GLIS3: variants seen among roughly 807,000 people sequenced by gnomAD.
GLIS3 encodes the protein zinc finger protein GLIS3.
In GLIS3, 53 loss-of-function variants were observed where a neutral mutation model predicts 78.6. That is an observed-to-expected ratio of 0.67 (90% CI 0.54 to 0.85). The LOEUF (loss-of-function observed/expected upper bound fraction) is 0.85. GLIS3 is among the 40% of genes least tolerant of loss of function. The probability of loss-of-function intolerance (pLI) is 0.00; values close to 1 mark genes in which losing one functional copy is unlikely to be tolerated. For synonymous variants in GLIS3, 684 were observed against 509.9 expected (o/e 1.34, Z -4.60); for missense variants, 1,703 against 1,231.1 (o/e 1.38, Z -5.74).
rs1162786771 is a variant in GLIS3 at position 3,828,305 on chromosome 9, A to G, written c.2760T>C (p.Pro920=). The change falls in exon 11 of 11, where the codon CCT becomes CCC. Residue 920 remains proline, a synonymous_variant. Transcript: ENST00000381971. The part of the protein sequence containing the change: ...FLQISTVDRC[P]SQLSSVYTEG The stretch of plus-strand genomic sequence containing the variant: ...CGGTGTAGACAGAGGAGAGCTGGCT[A>G]GGACAGCGGTCCACGGTGCTGATCT... 1.9e-6 allele frequency: 3 copies of G among 1,614,160 alleles called. No homozygotes were observed. The highest frequency in any genetic ancestry group is 1.7e-4 in the Middle Eastern group (1 of 6,046).
chr9:4,013,001 G>A (rs1822155132), intron 4 of GLIS3, among the ~76,000 whole-genome samples: 1 of 151,996 alleles, frequency 6.6e-6, no homozygotes, highest in Non-Finnish European at 1.5e-5. Flanking sequence ...TCAAACTCCT[G>A]ACCTCGTGTG....
chr9:4,355,131 C>CAA, the GLIS3 span, among the ~76,000 whole-genome samples: 7 of 84,190 alleles, frequency 8.3e-5, no homozygotes, highest in Admixed American at 1.3e-4. Context: ...GACTCCATCT[C>CAA]GAAAAAAAAA....
At chr9:4,142,938 C>G (rs1030246266) in intron 2 of GLIS3, among the ~76,000 whole-genome samples, 1 of 152,132 alleles carries the variant, frequency 6.6e-6, no homozygotes, top group African/African-American at 2.4e-5. Flanking sequence ...GGAAATAAAT[C>G]ACTTTGGCCA....
chr9:4,238,367 A>C (rs1464352726), intron 2 of GLIS3, among the ~76,000 whole-genome samples: 2 of 152,198 alleles, frequency 1.3e-5, no homozygotes, highest in African/African-American at 4.8e-5. Flanking sequence ...ATGACCGTGA[A>C]TATACTCCAT....
the GLIS3 span, among the ~76,000 whole-genome samples, chr9:4,385,782 A>G: frequency 1.3e-5 from 1 of 76,876 alleles, no homozygotes; most frequent in African/African-American, 6.5e-5. Flanking sequence ...AGAAAGAAAG[A>G]AAGAAAGAAA....
the GLIS3 span, among the ~76,000 whole-genome samples, chr9:4,391,258 A>G: frequency 6.6e-6 from 1 of 152,212 alleles, no homozygotes; most frequent in Non-Finnish European, 1.5e-5. Flanking sequence ...CCTCACCTCC[A>G]GAAGAGCCTG....
In GLIS3 at chr9:4,266,595, T is replaced by TAC. The variant is rs57746056; in HGVS notation, c.388+19441_388+19442dup. 5.0e-3 allele frequency among the ~76,000 whole-genome samples: 754 copies of TAC among 149,388 alleles called. 3 individuals carry two copies. Among genetic ancestry groups the TAC allele is most frequent in the Admixed American group, 0.024 (358 of 14,950 alleles). ...TACATTTTACACATGCATGCGCGTG[T>TAC]ACACACACACACACACACACACACA... On this transcript the variant is annotated intron_variant, in intron 2 of 10. Coordinates refer to ENST00000381971, the MANE Select transcript of GLIS3 (RefSeq NM_001042413.2).
At chr9:3,888,168 T>G (rs993329303) in intron 7 of GLIS3, among the ~76,000 whole-genome samples, 9 of 152,102 alleles carry the variant, frequency 5.9e-5, no homozygotes, top group Admixed American at 4.6e-4. Context: ...GGCCAATCAC[T>G]CCTGGAAGTT....
chr9:4,314,372 C>T (rs1448718460), intron 2 of GLIS3, among the ~76,000 whole-genome samples: 3 of 152,152 alleles, frequency 2.0e-5, no homozygotes, highest in Admixed American at 1.3e-4. Context: ...TCTGTTTCCT[C>T]AGTGTCCTTA....
At chr9:4,102,810 A>T (rs1830474159) in intron 4 of GLIS3, among the ~76,000 whole-genome samples, 1 of 152,162 alleles carries the variant, frequency 6.6e-6, no homozygotes, top group Non-Finnish European at 1.5e-5. Flanking sequence ...AGTGGATGGA[A>T]AACACACACA....
At chr9:4,191,098 A>T (rs962366548) in intron 2 of GLIS3, among the ~76,000 whole-genome samples, 2 of 151,620 alleles carry the variant, frequency 1.3e-5, no homozygotes, top group Admixed American at 6.6e-5. Flanking sequence ...TGTAAATACC[A>T]TCGAGACTAG....
chr9:3,885,417 G>C (rs1439415830), intron 7 of GLIS3, among the ~76,000 whole-genome samples: 3 of 152,184 alleles, frequency 2.0e-5, no homozygotes, highest in Non-Finnish European at 2.9e-5. Flanking sequence ...CCATGGTGCT[G>C]CTCCTCATGC....
At chr9:4,103,345 G>A (rs2208558) in intron 4 of GLIS3, among the ~76,000 whole-genome samples, 106,208 of 151,988 alleles carry the variant, frequency 0.7, 39,410 homozygotes, top group East Asian at 0.96. Context: ...CCAGCCAGTA[G>A]CCATTTCATA....
the GLIS3 span, among the ~76,000 whole-genome samples, chr9:4,357,542 G>C: frequency 2.7e-5 from 4 of 147,448 alleles, no homozygotes; most frequent in African/African-American, 1.0e-4. Flanking sequence ...TCAGCCTCCA[G>C]AATAATGTGA....
At chr9:4,281,374 C>G (rs990971204) in intron 2 of GLIS3, among the ~76,000 whole-genome samples, 1 of 134,218 alleles carries the variant, frequency 7.5e-6, no homozygotes, top group Non-Finnish European at 1.7e-5. Flanking sequence ...ATCACCATTA[C>G]CCATCTCCAA....
chr9:4,133,937 A>G (rs1833193444), intron 2 of GLIS3, among the ~76,000 whole-genome samples: 1 of 151,818 alleles, frequency 6.6e-6, no homozygotes, highest in African/African-American at 2.4e-5. Context: ...AGTTCCTCAT[A>G]TCCATTTTCT....
intron 6 of GLIS3, among the ~76,000 whole-genome samples, chr9:3,904,632 A>G (rs1823537383): frequency 6.6e-6 from 1 of 152,220 alleles, no homozygotes. Context: ...TGAATCCCAC[A>G]GAAAAGGGCT....
chr9:4,221,060 ATCTTTTT>A (rs977943663), intron 2 of GLIS3, among the ~76,000 whole-genome samples: 5 of 152,052 alleles, frequency 3.3e-5, no homozygotes, highest in African/African-American at 1.2e-4. Context: ...AATAGAGGAT[ATCTTTTT>A]TCTTTTTTCA....
chr9:4,377,670 T>C, the GLIS3 span, among the ~76,000 whole-genome samples: 1 of 152,176 alleles, frequency 6.6e-6, no homozygotes. Flanking sequence ...ATCTAGAATA[T>C]GGCTGGTTTT....
Sources: gnomAD v4.1 joint callset for allele counts (sites outside exome capture counted in the v4.1 genomes callset) on GRCh38, gnomAD v4.1.1 for gene constraint, MANE v1.5 for transcripts, NCBI Gene and HGNC (gene_info 2026-07-23, HGNC 2026-07-21) for gene names.